The following ASB15 variants were observed in gnomAD, a reference collection of about 807,000 sequenced individuals.
The protein encoded by ASB15 is ankyrin repeat and SOCS box protein 15.
Under a neutral mutation model 58.0 loss-of-function variants are expected in ASB15, and 54 were observed. The observed-to-expected ratio is 0.93, with a 90% CI of 0.75 to 1.17. The LOEUF (loss-of-function observed/expected upper bound fraction) is 1.17, where lower values mean the gene tolerates loss of function less well. ASB15 is among the 50% of genes most tolerant of loss of function. The pLI, the probability that ASB15 is intolerant of heterozygous loss-of-function variation, is 0.00. For missense variants in ASB15, 680 were observed against 707.4 expected, an observed-to-expected ratio of 0.96 and a Z score of 0.44; for synonymous variants, 249 against 262.4, an observed-to-expected ratio of 0.95 and a Z score of 0.50.
chr7:123,598,020 G>T (rs1365519816), upstream of ASB15, among the ~76,000 whole-genome samples: 1 of 149,548 alleles, frequency 6.7e-6, no homozygotes, highest in Admixed American at 6.7e-5. Flanking sequence ...CTACTTGTTT[G>T]TCTCTATACA....
chr7:123,601,908 C>G lies in ASB15; in HGVS notation c.-251C>G, dbSNP rs547350185. The G allele has an allele frequency of 3.3e-5, 5 of 152,216 alleles. 1 individual carries two copies. In the South Asian group the frequency reaches 8.3e-4, roughly 25 times the overall value. 9.4% of individuals were successfully genotyped at this position (152,216 alleles called of 1,614,324 possible). On this transcript the variant is annotated 5_prime_UTR_variant, in exon 1 of 12. Transcript: ENST00000451215. ...GGATAAGAATGACAAGATGATCATT[C>G]CAAAAGGTGAGATTATGAAATATTT... is the stretch of plus-strand genomic sequence containing the variant.
chr7:123,579,049 C>A (rs1487835381), intron 1 of ASB15, among the ~76,000 whole-genome samples: 1 of 152,002 alleles, frequency 6.6e-6, no homozygotes, highest in East Asian at 1.9e-4. Context: ...TCAACCTTTG[C>A]CCCTCTCGCT....
intron 6 of ASB15, 62 bp from the exon 7 acceptor site, chr7:123,617,517 T>C: frequency 1.4e-6 from 2 of 1,416,474 alleles, no homozygotes; most frequent in African/African-American, 2.9e-5. Flanking sequence ...ATTGCTCTGA[T>C]TTGTGTAATA....
chr7:123,569,257 A>C (rs1012467102), intron 1 of ASB15, among the ~76,000 whole-genome samples: 6 of 152,210 alleles, frequency 3.9e-5, no homozygotes, highest in African/African-American at 1.4e-4. Flanking sequence ...AGGGAATAAA[A>C]AGCTTTTCTT....
At chr7:123,630,706 C>A (rs576850027) in intron 11 of ASB15, among the ~76,000 whole-genome samples, 1 of 151,942 alleles carries the variant, frequency 6.6e-6, no homozygotes, top group Admixed American at 6.6e-5. Context: ...CAAATAAAAA[C>A]CAGAAAAATA....
upstream of ASB15, among the ~76,000 whole-genome samples, chr7:123,597,467 A>G (rs898874265): frequency 6.6e-6 from 1 of 152,142 alleles, no homozygotes; most frequent in Non-Finnish European, 1.5e-5. Flanking sequence ...TATGTATAGG[A>G]AAAAAACCAG....
At chr7:123,623,917 AGG>A (rs1801526153) in intron 7 of ASB15, among the ~76,000 whole-genome samples, 1 of 107,796 alleles carries the variant, frequency 9.3e-6, no homozygotes, top group African/African-American at 3.6e-5. Flanking sequence ...GAAGGAAGGA[AGG>A]AAGAAAGAAA....
chr7:123,584,308 CAAAAAAAAA>C (rs59126257), intron 1 of ASB15, among the ~76,000 whole-genome samples: 28 of 99,506 alleles, frequency 2.8e-4, no homozygotes, highest in Admixed American at 1.0e-3. Context: ...AAGGCCTTGT[CAAAAAAAAA>C]AAAAAAAAAA....
At chr7:123,620,501 TAC>T (rs1562932964) in intron 7 of ASB15, among the ~76,000 whole-genome samples, 18 of 62,614 alleles carry the variant, frequency 2.9e-4, no homozygotes, top group East Asian at 1.0e-3. Flanking sequence ...GTGACACATA[TAC>T]ATACATATAT....
intron 7 of ASB15, among the ~76,000 whole-genome samples, chr7:123,623,800 G>T (rs987015834): frequency 1.3e-5 from 2 of 149,394 alleles, no homozygotes; most frequent in African/African-American, 2.5e-5. Flanking sequence ...GGAGGTGGAG[G>T]TTGCAGTGAG....
At chr7:123,601,576 G>C (rs1343109641), upstream of ASB15, among the ~76,000 whole-genome samples, 1 of 152,142 alleles carries the variant, frequency 6.6e-6, no homozygotes, top group Non-Finnish European at 1.5e-5. Flanking sequence ...ATTCCAAGTG[G>C]TTTGGTTTTG....
intron 1 of ASB15, among the ~76,000 whole-genome samples, chr7:123,568,162 T>A (rs193005831): frequency 1.3e-5 from 2 of 152,270 alleles, no homozygotes; most frequent in African/African-American, 4.8e-5. Context: ...TATCTCACAC[T>A]CCCACTGAGA....
chr7:123,617,504 T>C (rs1033617583), intron 6 of ASB15, 75 bp from the exon 7 acceptor site: 2 of 1,303,810 alleles, frequency 1.5e-6, no homozygotes, highest in East Asian at 4.6e-5. Flanking sequence ...TATATAATAT[T>C]GGATTGCTCT....
At position 123,629,188 on chromosome 7, in the gene ASB15, G is replaced by A; in HGVS notation, c.1194G>A (p.Leu398=). The change falls in exon 10 of 12, where the codon CTG becomes CTA. Residue 398 remains leucine, a synonymous_variant. Coordinates refer to ENST00000451215, the MANE Select transcript of ASB15 (RefSeq NM_001290258.2). Reference sequence around the variant, plus strand: ...CCAATAATTATGAAATTGTCAGGCTGCTTCTCTCCCATGGAGCTAATGTCA... The same window carrying A: ...CCAATAATTATGAAATTGTCAGGCTACTTCTCTCCCATGGAGCTAATGTCA... ...VRANNYEIVR[L]LLSHGANVNC... is the part of the protein sequence containing the mutation. 3.7e-6 allele frequency: 6 copies of A among 1,613,942 alleles called. No homozygotes were observed. The highest frequency in any genetic ancestry group is 1.7e-4 in the Middle Eastern group (1 of 6,060).
chr7:123,600,858 G>C (rs1347590113), upstream of ASB15, among the ~76,000 whole-genome samples: 1 of 152,144 alleles, frequency 6.6e-6, no homozygotes. Flanking sequence ...AAATGTCAGA[G>C]ATGAGACGAA....
chr7:123,568,493 C>A (rs537221569), intron 1 of ASB15, among the ~76,000 whole-genome samples: 64 of 151,046 alleles, frequency 4.2e-4, no homozygotes, highest in African/African-American at 1.4e-3. Flanking sequence ...TGCACTCCAG[C>A]CTGAACAACA....
chr7:123,634,212 G>A (rs1247253574), intron 11 of ASB15, among the ~76,000 whole-genome samples: 7 of 139,366 alleles, frequency 5.0e-5, no homozygotes, highest in South Asian at 5.0e-4. Flanking sequence ...CCACCCCCCC[G>A]ACAGGCCCCA....
chr7:123,608,866 T>A (rs1800283092), intron 3 of ASB15, among the ~76,000 whole-genome samples: 1 of 152,026 alleles, frequency 6.6e-6, no homozygotes, highest in South Asian at 2.1e-4. Flanking sequence ...GTATTTATAT[T>A]GATTTCTCCA....
intron 1 of ASB15, among the ~76,000 whole-genome samples, chr7:123,590,879 T>C (rs1335144859): frequency 6.6e-6 from 1 of 152,192 alleles, no homozygotes; most frequent in Non-Finnish European, 1.5e-5. Context: ...AATCTATAAA[T>C]TACCTTGGGC....
Sources: allele counts gnomAD v4.1 joint callset (sites outside exome capture counted in the v4.1 genomes callset), GRCh38; gene constraint gnomAD v4.1.1; transcripts MANE v1.5; gene names NCBI Gene and HGNC (gene_info 2026-07-23, HGNC 2026-07-21).